The following GRIN2C variants were observed in gnomAD, a reference collection of about 807,000 sequenced individuals.
GRIN2C encodes glutamate receptor ionotropic, NMDA 2C.
Under a neutral mutation model 77.7 loss-of-function variants are expected in GRIN2C, and 64 were observed. The observed-to-expected ratio is 0.82, with a 90% CI of 0.67 to 1.01. The LOEUF is 1.01. Among genes scored for constraint, GRIN2C ranks in the 50% least tolerant of loss-of-function variants. The probability of loss-of-function intolerance (pLI) is 0.00; values close to 1 mark genes in which losing one functional copy is unlikely to be tolerated. For synonymous variants in GRIN2C, 792 were observed against 643.4 expected, an observed-to-expected ratio of 1.23 and a Z score of -3.49; for missense variants, 1,549 against 1,486.0, an observed-to-expected ratio of 1.04 and a Z score of -0.70.
At chr17:74,858,991 A>ACCTGCCCTTCTTCCC (rs1321636937) in intron 1 of GRIN2C, among the ~76,000 whole-genome samples, 6 of 152,010 alleles carry the variant, frequency 3.9e-5, no homozygotes, top group South Asian at 2.1e-4. Context: ...AGGCTGGGGC[A>ACCTGCCCTTCTTCCC]CCTGCCCTTC....
In GRIN2C at chr17:74,843,433, C is replaced by G; in HGVS notation, c.2704G>C (p.Asp902His). 1.3e-6 allele frequency: 2 copies of G among 1,535,830 alleles called. No individual in the cohort carries two copies. The highest frequency in any genetic ancestry group is 8.7e-7 in the Non-Finnish European group (1 of 1,146,204). ...SVLKMLQAARDMVTTAGVSSS... is the reference protein window; with the variant it reads ...SVLKMLQAARHMVTTAGVSSS... ...CTTACGCCCGCCGTGGTCACCATGTCGCGGGCTGCCTGCAGCATCTTGAGC... is the reference window on the plus strand; with the variant it reads ...CTTACGCCCGCCGTGGTCACCATGTGGCGGGCTGCCTGCAGCATCTTGAGC... Residue 902 changes from aspartate to histidine, a missense_variant, in exon 13 of 13, where the codon GAC becomes CAC. Asp to His is a moderately conservative substitution (Grantham distance 81). Coordinates refer to ENST00000293190, the MANE Select transcript of GRIN2C (RefSeq NM_000835.6).
intron 2 of GRIN2C, 81 bp from the exon 3 acceptor site, chr17:74,852,692 A>C: frequency 1.7e-6 from 1 of 602,302 alleles, no homozygotes; most frequent in Non-Finnish European, 2.5e-6. Flanking sequence ...CCCCTCCATC[A>C]GCTCCCAGGC....
chr17:74,860,913 G>C (rs2144631007), upstream of GRIN2C: 1 of 217,370 alleles, frequency 4.6e-6, no homozygotes, highest in Non-Finnish European at 9.4e-6. Context: ...GGAAACTGGG[G>C]CACTGGGCTG....
chr17:74,854,653 C>A (rs770237357), intron 2 of GRIN2C, 41 bp downstream of exon 2: 46 of 1,565,450 alleles, frequency 2.9e-5, no homozygotes, highest in Non-Finnish European at 3.7e-5. Context: ...CAGCCTGGTT[C>A]CAGGCCTGAG....
Position 74,846,394 on chromosome 17 carries a change from C to G in GRIN2C, c.2163-141G>C. 1 of 697,434 alleles carries G rather than the reference C, an allele frequency of 1.4e-6. No homozygotes were observed. Among genetic ancestry groups the G allele is most frequent in the South Asian group, 1.8e-5 (1 of 56,884 alleles). The allele number at this position is 697,434 out of a possible 1,614,324, so 43.2% of individuals were successfully genotyped here. A position where few individuals can be genotyped will look rare whatever the true frequency, so the allele number is the denominator to read the frequency against. ...CCAATGGGCAGAGACTTGTCTGGTTCTCTTGGGTCCTGGATGGGGTGAGGA... is the reference window on the plus strand; with the variant it reads ...CCAATGGGCAGAGACTTGTCTGGTTGTCTTGGGTCCTGGATGGGGTGAGGA... On this transcript the variant is annotated intron_variant, in intron 10 of 12. Coordinates refer to ENST00000293190, the MANE Select transcript of GRIN2C (RefSeq NM_000835.6). The surrounding 1 kb of genome is among the most constrained non-coding windows in gnomAD (Gnocchi z 4.4).
In GRIN2C at chr17:74,852,019, AAGGCCTCCCGGGC is replaced by A; in HGVS notation, c.979_991del (p.Ala327SerfsTer6). The A allele has an allele frequency of 6.8e-7, 1 of 1,466,160 alleles. No homozygotes were observed. The highest frequency in any genetic ancestry group is 9.0e-7 in the Non-Finnish European group (1 of 1,107,488). 90.8% of individuals were successfully genotyped at this position (1,466,160 alleles called of 1,614,324 possible). ...GCCCCGGGCAGGTGCCCACCTGTAG[AAGGCCTCCCGGGC>A]AGGGCTGACGGGCCCAGGGTGAACA... On this transcript the variant is annotated frameshift_variant, in exon 3 of 13. Transcript: ENST00000293190. LOFTEE classifies it high-confidence loss of function.
chr17:74,851,590 C>G lies in GRIN2C; in HGVS notation c.1100G>C (p.Arg367Pro), dbSNP rs138993857. The G allele has an allele frequency of 1.9e-6, 3 of 1,553,860 alleles. No individual in the cohort carries two copies. Among genetic ancestry groups the G allele is most frequent in the South Asian group, 1.2e-5 (1 of 84,540 alleles). The change falls in exon 4 of 13, where the codon CGC becomes CCC. Residue 367 changes from arginine (R) to proline (P), a missense_variant. By Grantham distance (103) the Arg-to-Pro change is moderately radical (BLOSUM62 -2). Transcript: ENST00000293190. Reference sequence around the variant, plus strand: ...CCCCCTTCTCACCATCTCCCAGAGGCGGTGCCGGTTGAGGGCGATCACCAC... The same window carrying G: ...CCCCCTTCTCACCATCTCCCAGAGGGGGTGCCGGTTGAGGGCGATCACCAC... Reference protein sequence around the residue: ...TMVVIALNRHRLWEMVGRWEH... With the variant: ...TMVVIALNRHPLWEMVGRWEH...
At chr17:74,854,074 TC>T (rs1329307830) in intron 2 of GRIN2C, 1 of 152,698 alleles carries the variant, frequency 6.5e-6, no homozygotes, top group Non-Finnish European at 1.5e-5. Context: ...CCTCTCCCCC[TC>T]CCCACCGGCT....
At position 74,847,258 on chromosome 17, in the gene GRIN2C, T is replaced by TGCCCCCCCCCCCTGGCCCCCCCCCCCCC; in HGVS notation, c.2001+49_2001+50insGGGGGGGGGGGGGCCAGGGGGGGGGGGC. Reference sequence around the variant, plus strand: ...CCAGGGCCTGCCCACTCACGGCCTGTCCCCACCCTCAGTGCCCCCCCCCAC... The same window carrying TGCCCCCCCCCCCTGGCCCCCCCCCCCCC: ...CCAGGGCCTGCCCACTCACGGCCTGTGCCCCCCCCCCCTGGCCCCCCCCCCCCCCCCCACCCTCAGTGCCCCCCCCCAC... On this transcript the variant is annotated intron_variant, in intron 9 of 12. Transcript: ENST00000293190. This position sits in a 1 kb window ranked among gnomAD's most constrained non-coding sequence, Gnocchi z 5.2. 1 of 925,884 alleles carries TGCCCCCCCCCCCTGGCCCCCCCCCCCCC rather than the reference T, an allele frequency of 1.1e-6. No individual in the cohort carries two copies. The highest frequency in any genetic ancestry group is 1.7e-6 in the Non-Finnish European group (1 of 578,900). The allele number at this position is 925,884 out of a possible 1,614,324, so 57.4% of individuals were successfully genotyped here. A position where few individuals can be genotyped will look rare whatever the true frequency, so the allele number is the denominator to read the frequency against.
chr17:74,850,642 A>C lies in GRIN2C; in HGVS notation c.1239T>G (p.Phe413Leu). The change falls in exon 5 of 13, where the codon TTT (phenylalanine) becomes TTG (leucine). Residue 413 changes from phenylalanine (F) to leucine (L), a missense_variant. Physicochemically the swap from Phe to Leu is conservative, Grantham distance 22. Coordinates refer to ENST00000293190, the MANE Select transcript of GRIN2C (RefSeq NM_000835.6). The surrounding 1 kb of genome is among the most constrained non-coding windows in gnomAD (Gnocchi z 5.3). ...CAGGGTCAGGGCTCTCCACGATGAC[A>C]AAGGGCCGCTCTTCCAGCGTGGCCA... ...LTVATLEERPFVIVESPDPGT... is the reference protein window; with the variant it reads ...LTVATLEERPLVIVESPDPGT... 1 of 1,613,640 alleles carries C rather than the reference A, an allele frequency of 6.2e-7. No individual in the cohort carries two copies.
chr17:74,851,724 C>A, intron 3 of GRIN2C, 33 bp from the exon 4 acceptor site: 19 of 1,346,252 alleles, frequency 1.4e-5, no homozygotes, highest in Non-Finnish European at 1.9e-5. Context: ...GCAGCCCTGC[C>A]AAGGACCAGG....
chr17:74,845,787 A>ACCCATC (rs2037435540), intron 11 of GRIN2C, among the ~76,000 whole-genome samples: 1 of 151,940 alleles, frequency 6.6e-6, no homozygotes, highest in African/African-American at 2.4e-5. Context: ...CAGCCACTCC[A>ACCCATC]CCCATCCCCA....
chr17:74,849,699 C>T lies in GRIN2C; in HGVS notation c.1645+81G>A. On this transcript the variant is annotated intron_variant, in intron 7 of 12. Transcript: ENST00000293190. This position sits in a 1 kb window ranked among gnomAD's most constrained non-coding sequence, Gnocchi z 4.6. ...TGGCCTGTGAGAGCCCACCCAACTC[C>T]CCATCCCCACCCAAGCTGTACACAC... The T allele has an allele frequency of 2.2e-6, 3 of 1,364,574 alleles. No homozygotes were observed. Among genetic ancestry groups the T allele is most frequent in the African/African-American group, 1.5e-5 (1 of 68,270 alleles). The allele number at this position is 1,364,574 out of a possible 1,614,324, so 84.5% of individuals were successfully genotyped here.
Position 74,847,252 on chromosome 17 carries a change from G to A in GRIN2C, c.2001+56C>T, listed in dbSNP as rs891934576. 25 of 1,080,220 alleles carry A rather than the reference G, an allele frequency of 2.3e-5. No homozygotes were observed. Among genetic ancestry groups the A allele is most frequent in the East Asian group, 7.9e-5 (3 of 37,814 alleles). The allele number at this position is 1,080,220 out of a possible 1,614,324, so 66.9% of individuals were successfully genotyped here. On this transcript the variant is annotated intron_variant, in intron 9 of 12. Transcript: ENST00000293190. This position sits in a 1 kb window ranked among gnomAD's most constrained non-coding sequence, Gnocchi z 5.2. ...GACTGTCCAGGGCCTGCCCACTCAC[G>A]GCCTGTCCCCACCCTCAGTGCCCCC...
intron 1 of GRIN2C, among the ~76,000 whole-genome samples, chr17:74,857,383 T>A (rs2037845181): frequency 6.6e-6 from 1 of 152,170 alleles, no homozygotes; most frequent in African/African-American, 2.4e-5. Flanking sequence ...AGGAAGGGAA[T>A]ATTGCTCTCA....
chr17:74,844,311 AGT>A lies in GRIN2C; in HGVS notation c.2546_2547del (p.Asn849IlefsTer429). The A allele has an allele frequency of 6.2e-7, 1 of 1,614,064 alleles. No individual in the cohort carries two copies. The highest frequency in any genetic ancestry group is 8.5e-7 in the Non-Finnish European group (1 of 1,179,986). On this transcript the variant is annotated frameshift_variant, in exon 12 of 13. Transcript: ENST00000293190. LOFTEE classifies it low-confidence loss of function (END_TRUNC). Reference protein sequence around the residue: ...VYWKLRHSVPNSSQLDFLLAF... With the variant: ...VYWKLRHSVPXSSQLDFLLAF... ...GCCAGCAGGAAGTCCAGCTGGGATG[AGT>A]TGGGCACCGAGTGGCGCAGCTTCCA...
rs749582145 is a variant in GRIN2C, at chr17:74,847,269, A to G, written c.2001+39T>C. The G allele has an allele frequency of 1.1e-5, 6 of 541,808 alleles. No homozygotes were observed. The highest frequency in any genetic ancestry group is 2.1e-5 in the Non-Finnish European group (6 of 291,834). 33.6% of individuals were successfully genotyped at this position (541,808 alleles called of 1,614,324 possible). ...CCACTCACGGCCTGTCCCCACCCTC[A>G]GTGCCCCCCCCCACCCCCAGCAGCT... is the stretch of plus-strand genomic sequence containing the variant. On this transcript the variant is annotated intron_variant, in intron 9 of 12. Transcript: ENST00000293190. The surrounding 1 kb of genome is among the most constrained non-coding windows in gnomAD (Gnocchi z 5.2).
Position 74,850,239 on chromosome 17 carries a change from C to T in GRIN2C, c.1458G>A (p.Arg486=), listed in dbSNP as rs1394387414. 6.2e-7 allele frequency: 1 copy of T among 1,613,658 alleles called. No individual in the cohort carries two copies. The highest frequency in any genetic ancestry group is 1.3e-5 in the African/African-American group (1 of 74,910). ...YLVTNGKHGK[R]VRGVWNGMIG... is the part of the protein sequence containing the mutation. ...TCATGCCGTTCCATACGCCGCGCAC[C>T]CGCTTGCCATGCTTGCCGTTGGTCA... The change falls in exon 6 of 13, where the codon CGG becomes CGA. Residue 486 remains arginine (R), a synonymous_variant. Transcript: ENST00000293190. This position sits in a 1 kb window ranked among gnomAD's most constrained non-coding sequence, Gnocchi z 5.3.
Position 74,851,607 on chromosome 17 carries a change from G to A in GRIN2C, c.1083C>T (p.Ile361=), listed in dbSNP as rs76868659. 7.0e-6 allele frequency: 11 copies of A among 1,563,740 alleles called. No homozygotes were observed. The highest frequency in any genetic ancestry group is 2.3e-5 in the South Asian group (2 of 85,140). Residue 361 remains isoleucine (I), a synonymous_variant, in exon 4 of 13, where the codon ATC becomes ATT. Coordinates refer to ENST00000293190, the MANE Select transcript of GRIN2C (RefSeq NM_000835.6). ...CCCAGAGGCGGTGCCGGTTGAGGGC[G>A]ATCACCACCATGGTGGGCTGGACCA... is the stretch of plus-strand genomic sequence containing the variant. ...GYLVQPTMVV[I]ALNRHRLWEM... is the part of the protein sequence containing the mutation.
Sources: allele counts gnomAD v4.1 joint callset (sites outside exome capture counted in the v4.1 genomes callset), GRCh38; gene constraint gnomAD v4.1.1; non-coding constraint Gnocchi (gnomAD v3.1); transcripts MANE v1.5; gene names NCBI Gene and HGNC (gene_info 2026-07-23, HGNC 2026-07-21).